CTNND2: variants seen among roughly 807,000 people sequenced by gnomAD.
CTNND2 encodes the protein catenin delta-2.
In CTNND2, 22 loss-of-function variants were observed where a neutral mutation model predicts 144.4. That is an observed-to-expected ratio of 0.15 (90% CI 0.11 to 0.22). The LOEUF is 0.22. Ranked by LOEUF, CTNND2 falls within the 10% of genes least tolerant of loss-of-function variation. CTNND2 has a pLI of 1.00. For missense variants in CTNND2, 1,353 were observed against 1,618.8 expected (o/e 0.84, Z 2.82); for synonymous variants, 751 against 695.6 (o/e 1.08, Z -1.25).
intron 12 of CTNND2, among the ~76,000 whole-genome samples, chr5:11,125,899 T>C (rs1754625042): frequency 6.6e-6 from 1 of 152,234 alleles, no homozygotes; most frequent in Non-Finnish European, 1.5e-5. Flanking sequence ...GATTCTGTTT[T>C]TTACCATAAC....
At chr5:11,236,276 G>A (rs1351564373) in intron 10 of CTNND2, among the ~76,000 whole-genome samples, 1 of 152,192 alleles carries the variant, frequency 6.6e-6, no homozygotes, top group Admixed American at 6.5e-5. Context: ...AGTTCTTCAG[G>A]AAGGACAGGT....
intron 3 of CTNND2, among the ~76,000 whole-genome samples, chr5:11,489,698 T>C (rs953944332): frequency 1.3e-5 from 2 of 152,132 alleles, no homozygotes; most frequent in Non-Finnish European, 2.9e-5. Context: ...CACATAACAT[T>C]TACATTCACA....
intron 3 of CTNND2, among the ~76,000 whole-genome samples, chr5:11,546,164 G>A (rs1775217896): frequency 6.6e-6 from 1 of 152,144 alleles, no homozygotes; most frequent in Admixed American, 6.5e-5. Flanking sequence ...TTCTTTTGGT[G>A]TGATGGAAAT....
intron 16 of CTNND2, among the ~76,000 whole-genome samples, chr5:11,043,408 C>A (rs1744892836): frequency 6.6e-6 from 1 of 152,018 alleles, no homozygotes; most frequent in African/African-American, 2.4e-5. Flanking sequence ...ATGTCGTATG[C>A]ATAAAACATA....
At chr5:11,127,762 A>G (rs1018212772) in intron 12 of CTNND2, among the ~76,000 whole-genome samples, 2 of 151,212 alleles carry the variant, frequency 1.3e-5, no homozygotes, top group Non-Finnish European at 2.9e-5. Context: ...GTTCTTCCCC[A>G]GGAGCTGTAC....
intron 1 of CTNND2, among the ~76,000 whole-genome samples, chr5:11,885,355 G>T (rs1350506557): frequency 6.6e-6 from 1 of 152,030 alleles, no homozygotes; most frequent in Non-Finnish European, 1.5e-5. Context: ...GTCTGTTCAC[G>T]TTTTCCATGC....
chr5:11,737,075 A>G (rs1236942349), intron 1 of CTNND2, among the ~76,000 whole-genome samples: 1 of 152,148 alleles, frequency 6.6e-6, no homozygotes, highest in Admixed American at 6.5e-5. Flanking sequence ...TGACATATTC[A>G]ATACATGGGT....
chr5:11,470,894 G>A (rs1489002455), intron 3 of CTNND2, among the ~76,000 whole-genome samples: 1 of 145,728 alleles, frequency 6.9e-6, no homozygotes, highest in Non-Finnish European at 1.5e-5. Flanking sequence ...GCAGAGCTGG[G>A]TTTCAACCAA....
chr5:11,319,497 G>A (rs961345639), intron 9 of CTNND2, among the ~76,000 whole-genome samples: 1 of 152,078 alleles, frequency 6.6e-6, no homozygotes, highest in African/African-American at 2.4e-5. Context: ...AGTCTATAGT[G>A]TCTTTATTTA....
chr5:11,328,745 G>A (rs969874679), intron 9 of CTNND2, among the ~76,000 whole-genome samples: 5 of 152,142 alleles, frequency 3.3e-5, no homozygotes, highest in Admixed American at 1.3e-4. Context: ...AGATTATTGC[G>A]AAGTCCCACT....
intron 1 of CTNND2, among the ~76,000 whole-genome samples, chr5:11,895,191 C>T (rs1248281762): frequency 6.6e-6 from 1 of 152,168 alleles, no homozygotes; most frequent in Non-Finnish European, 1.5e-5. Flanking sequence ...CCCCGGACTG[C>T]CACAAACACC....
intron 9 of CTNND2, among the ~76,000 whole-genome samples, chr5:11,270,471 TAAA>T (rs34326518): frequency 2.8e-5 from 4 of 144,488 alleles, no homozygotes; most frequent in East Asian, 2.1e-4. Context: ...AACAATGTGG[TAAA>T]AAAAAAAAAA....
chr5:11,521,759 T>C (rs190570625), intron 3 of CTNND2, among the ~76,000 whole-genome samples: 8 of 152,294 alleles, frequency 5.3e-5, no homozygotes, highest in Admixed American at 3.9e-4. Context: ...AGATGAAGTA[T>C]CAGGAGCAGC....
At position 11,506,581 on chromosome 5, in the gene CTNND2, T is replaced by C. The variant is rs111879492; in HGVS notation, c.287+58363A>G. On this transcript the variant is annotated intron_variant, in intron 3 of 21. Coordinates refer to ENST00000304623, the MANE Select transcript of CTNND2 (RefSeq NM_001332.4). ...TTGCTACAAAAAATAAAGGTAACTA[T>C]GTGAGACGAAGCGTGTTTATTGATT... is the stretch of plus-strand genomic sequence containing the variant. 2.6e-3 allele frequency among the ~76,000 whole-genome samples: 403 copies of C among 152,366 alleles called. 4 individuals are homozygous for C. The highest frequency in any genetic ancestry group is 9.0e-3 in the African/African-American group (376 of 41,588).
rs574979285 is a variant in CTNND2, at chr5:11,189,430, A to G, written c.1975+10018T>C. 1.5e-3 allele frequency among the ~76,000 whole-genome samples: 227 copies of G among 152,296 alleles called. 1 individual carries two copies. The highest frequency in any genetic ancestry group is 3.7e-3 in the South Asian group (18 of 4,820). ...CTGCCACCCCTGAGACAGCAAGACC[A>G]ACCTCTCTGCTTCCTCCTCCTCAGC... On this transcript the variant is annotated intron_variant, in intron 11 of 21. Coordinates refer to ENST00000304623, the MANE Select transcript of CTNND2 (RefSeq NM_001332.4).
chr5:11,402,613 C>T (rs1217243456), intron 5 of CTNND2, among the ~76,000 whole-genome samples: 2 of 152,164 alleles, frequency 1.3e-5, no homozygotes, highest in Non-Finnish European at 2.9e-5. Flanking sequence ...TCCTGATCTT[C>T]GTTAGTAACT....
intron 2 of CTNND2, among the ~76,000 whole-genome samples, chr5:11,710,763 C>T (rs1029218147): frequency 1.3e-5 from 2 of 152,094 alleles, no homozygotes; most frequent in Admixed American, 6.5e-5. Context: ...GCTGAAGGTC[C>T]GGGCAGTGCA....
chr5:11,503,706 A>G (rs1250368502), intron 3 of CTNND2, among the ~76,000 whole-genome samples: 1 of 152,216 alleles, frequency 6.6e-6, no homozygotes, highest in Non-Finnish European at 1.5e-5. Flanking sequence ...GAGCACCATG[A>G]ATTTTGCCAT....
chr5:11,326,926 C>T (rs1655647959), intron 9 of CTNND2, among the ~76,000 whole-genome samples: 1 of 152,156 alleles, frequency 6.6e-6, no homozygotes, highest in East Asian at 1.9e-4. Context: ...GATGCAGAGG[C>T]ATCTCCTGGG....
Sources: gnomAD v4.1 joint callset for allele counts (sites outside exome capture counted in the v4.1 genomes callset) on GRCh38, gnomAD v4.1.1 for gene constraint, MANE v1.5 for transcripts, NCBI Gene and HGNC (gene_info 2026-07-23, HGNC 2026-07-21) for gene names.